Variants in POLRMT observed in about 807,000 individuals in gnomAD.
The protein encoded by POLRMT is RNA polymerase mitochondrial.
A neutral mutation model predicts 132.2 loss-of-function variants in POLRMT; 114 were observed. The observed-to-expected ratio is 0.86, with a 90% CI of 0.74 to 1.01. The LOEUF (loss-of-function observed/expected upper bound fraction) is 1.01. Ranked by LOEUF, POLRMT falls within the 50% of genes least tolerant of loss-of-function variation. The pLI, the probability that POLRMT is intolerant of heterozygous loss-of-function variation, is 0.00. For missense variants in POLRMT, 2,003 were observed against 1,729.1 expected (o/e 1.16, Z -2.81); for synonymous variants, 1,020 against 773.4 (o/e 1.32, Z -5.29).
rs1390010936 is a variant in POLRMT, at chr19:618,531, G to T, written c.3379C>A (p.Leu1127Met). ...NGFPPNFIHS[L>M]DSSHMMLTAL... ...GTGAGCATCATGTGGGAGGAGTCCA[G>T]CGAGTGGATGAAGTTGGGCGGGAAG... Residue 1127 changes from leucine to methionine, a missense_variant, in exon 17 of 21, where the codon CTG (leucine) becomes ATG (methionine). Transcript: ENST00000588649. The T allele has an allele frequency of 1.2e-6, 2 of 1,613,296 alleles. No homozygotes were observed. The highest frequency in any genetic ancestry group is 1.7e-5 in the Admixed American group (1 of 59,956).
chr19:626,785 A>G (rs1985047668), intron 3 of POLRMT, among the ~76,000 whole-genome samples: 2 of 151,210 alleles, frequency 1.3e-5, no homozygotes, highest in Non-Finnish European at 2.9e-5. Flanking sequence ...ACTTGAACGC[A>G]GAAAGCGGAA....
intron 18 of POLRMT, 47 bp from the exon 19 acceptor site, chr19:617,702 G>A (rs1276715346): frequency 6.2e-7 from 1 of 1,611,208 alleles, no homozygotes; most frequent in Non-Finnish European, 8.5e-7. Context: ...GCAGGCTCTG[G>A]GCACCACCCC....
rs753398978 is a variant in POLRMT at position 629,574 on chromosome 19, A to C, written c.788T>G (p.Met263Arg). 3.8e-6 allele frequency: 6 copies of C among 1,576,936 alleles called. No individual in the cohort carries two copies. The highest frequency in any genetic ancestry group is 5.2e-6 in the Non-Finnish European group (6 of 1,162,560). Residue 263 changes from methionine to arginine, a missense_variant, in exon 3 of 21, where the codon ATG (methionine) becomes AGG (arginine). Physicochemically the swap from Met to Arg is moderately conservative, Grantham distance 91. Coordinates refer to ENST00000588649, the MANE Select transcript of POLRMT (RefSeq NM_005035.4). Reference sequence around the variant, plus strand: ...CCAGCCAAGCATCACGGCGTTGTACATGTCCAGCGTGAGCAGCTTCCGCTT... The same window carrying C: ...CCAGCCAAGCATCACGGCGTTGTACCTGTCCAGCGTGAGCAGCTTCCGCTT... ...RQKRKLLTLD[M>R]YNAVMLGWAR...
chr19:626,884 T>TACAC (rs1290099212), intron 3 of POLRMT, among the ~76,000 whole-genome samples: 9 of 95,294 alleles, frequency 9.4e-5, no homozygotes, highest in East Asian at 6.2e-4. Context: ...TGTCTTAAAA[T>TACAC]ATACACACAC....
Position 618,398 on chromosome 19 carries a change from C to T in POLRMT, c.3422+90G>A, listed in dbSNP as rs58198820. ...ATCCACTCTGCCCAGTCCCTGCCCC[C>T]AGCTAGACCCAGCCTTGCCAGCTGT... On this transcript the variant is annotated intron_variant, in intron 17 of 20. Transcript: ENST00000588649. 6,732 of 1,026,002 alleles carry T rather than the reference C, an allele frequency of 6.6e-3. 300 individuals carry two copies. The African/African-American group carries it at 0.095, about 15-fold the overall frequency. The allele number at this position is 1,026,002 out of a possible 1,614,324, so 63.6% of individuals were successfully genotyped here.
chr19:623,043 C>G, intron 6 of POLRMT, 58 bp from the exon 7 acceptor site: 1 of 1,581,880 alleles, frequency 6.3e-7, no homozygotes, highest in African/African-American at 1.3e-5. Flanking sequence ...CCCAGGCTCA[C>G]AGGACGGGGG....
rs1269273356 is a variant in POLRMT, at chr19:625,183, G to A, written c.894C>T (p.Ser298=). The A allele has an allele frequency of 3.1e-6, 5 of 1,613,924 alleles. No homozygotes were observed. The highest frequency in any genetic ancestry group is 1.1e-5 in the South Asian group (1 of 91,082). ...KDAGLTPDLL[S]YAAALQCMGR... ...CCATGCACTGGAGGGCAGCCGCATA[G>A]GACAGCAGGTCCGGAGTCAAGCCGG... is the stretch of plus-strand genomic sequence containing the variant. Residue 298 remains serine, a synonymous_variant, in exon 4 of 21, where the codon TCC becomes TCT. Coordinates refer to ENST00000588649, the MANE Select transcript of POLRMT (RefSeq NM_005035.4).
intron 2 of POLRMT, among the ~76,000 whole-genome samples, chr19:632,389 GC>G (rs1340981879): frequency 6.6e-6 from 1 of 152,242 alleles, no homozygotes; most frequent in Non-Finnish European, 1.5e-5. Flanking sequence ...ACGAGGGCCT[GC>G]CACCGCTGGA....
chr19:619,021 G>A lies in POLRMT; in HGVS notation c.3243C>T (p.Pro1081=). The change falls in exon 15 of 21, where the codon CCC becomes CCT. Residue 1081 remains proline (P), a synonymous_variant. Coordinates refer to ENST00000588649, the MANE Select transcript of POLRMT (RefSeq NM_005035.4). ...VTPLGVPVIQ[P]YRLDSKVKQI... is the part of the protein sequence containing the mutation. ...CCTTGACCTTGGAGTCCAGGCGATA[G>A]GGCTGGATGACGGGGACGCCCAGGG... The A allele has an allele frequency of 6.3e-7, 1 of 1,593,936 alleles. No homozygotes were observed. The highest frequency in any genetic ancestry group is 8.5e-7 in the Non-Finnish European group (1 of 1,170,230).
Position 618,757 on chromosome 19 carries a change from T to G in POLRMT, c.3271A>C (p.Ile1091Leu). The G allele has an allele frequency of 6.2e-7, 1 of 1,600,768 alleles. No homozygotes were observed. Among genetic ancestry groups the G allele is most frequent in the Non-Finnish European group, 8.5e-7 (1 of 1,174,472 alleles). ...PYRLDSKVKQ[I>L]GGGIQSITYT... Reference sequence around the variant, plus strand: ...GTGATGCTCTGAATTCCACCTCCTATTTGCTAAAAAGGGGAAGGGGCCGGT... The same window carrying G: ...GTGATGCTCTGAATTCCACCTCCTAGTTGCTAAAAAGGGGAAGGGGCCGGT... Residue 1091 changes from isoleucine to leucine, a missense_variant, in exon 16 of 21, where the codon ATA (isoleucine) becomes CTA (leucine). By Grantham distance (5) the Ile-to-Leu change is conservative. Transcript: ENST00000588649.
At position 630,022 on chromosome 19, in the gene POLRMT, C is replaced by G; in HGVS notation, c.340G>C (p.Ala114Pro). Residue 114 changes from alanine to proline, a missense_variant, in exon 3 of 21, where the codon GCC becomes CCC. By Grantham distance (27) the Ala-to-Pro change is conservative (BLOSUM62 -1). Transcript: ENST00000588649. Reference sequence around the variant, plus strand: ...CAGCGGCCACAGGGCACCGGGGTGGCATCCTTGGCCCCCATCTGGACCTTC... The same window carrying G: ...CAGCGGCCACAGGGCACCGGGGTGGGATCCTTGGCCCCCATCTGGACCTTC... ...PRKVQMGAKD[A>P]TPVPCGRWAK... 6.2e-7 allele frequency: 1 copy of G among 1,613,836 alleles called. No individual in the cohort carries two copies. Among genetic ancestry groups the G allele is most frequent in the Non-Finnish European group, 8.5e-7 (1 of 1,180,028 alleles).
chr19:630,199 G>C, intron 2 of POLRMT, 31 bp from the exon 3 acceptor site: 3 of 1,545,024 alleles, frequency 1.9e-6, no homozygotes, highest in South Asian at 1.2e-5. Context: ...GGACATGAGA[G>C]GGACCCCCTC....
At chr19:621,875 G>A (rs961926012) in intron 9 of POLRMT, 29 bp from the exon 10 acceptor site, 2 of 1,598,472 alleles carry the variant, frequency 1.3e-6, no homozygotes, top group South Asian at 1.1e-5. Flanking sequence ...ACGGGTCAGG[G>A]CCCCGGTGCT....
chr19:624,950 T>C, intron 4 of POLRMT, 45 bp from the exon 5 acceptor site: 2 of 1,570,546 alleles, frequency 1.3e-6, no homozygotes, highest in Non-Finnish European at 1.7e-6. Context: ...AGCCCCACGC[T>C]GGGCTTCCAC....
intron 11 of POLRMT, 123 bp from the exon 12 acceptor site, chr19:620,203 C>T (rs1026781026): frequency 1.4e-5 from 21 of 1,467,390 alleles, no homozygotes; most frequent in East Asian, 2.5e-5. Context: ...TGCACCGGAG[C>T]CCCCGCACGC....
In POLRMT at chr19:622,203, G is replaced by C; in HGVS notation, c.1797C>G (p.Ser599=). 1 of 1,583,856 alleles carries C rather than the reference G, an allele frequency of 6.3e-7. No individual in the cohort carries two copies. The highest frequency in any genetic ancestry group is 8.6e-7 in the Non-Finnish European group (1 of 1,166,670). ...MPCSLDKPHR[S]SRLVPVLYHV... is the part of the protein sequence containing the mutation. ...GGTAGAGCACGGGGACAAGCCGAGA[G>C]GAACGATGCGGCTTGTCCAGGCTGC... Residue 599 remains serine, a synonymous_variant, in exon 9 of 21, where the codon TCC becomes TCG. Transcript: ENST00000588649.
chr19:623,436 C>T lies in POLRMT; in HGVS notation c.1290+18G>A, dbSNP rs750925778. On this transcript the variant is annotated intron_variant, in intron 6 of 20. Coordinates refer to ENST00000588649, the MANE Select transcript of POLRMT (RefSeq NM_005035.4). ...CTCAGCCCCTGCGGCGGACACGGGA[C>T]CCCGGCTCAGCCCCTACCGCGTGCT... 15 of 1,609,286 alleles carry T rather than the reference C, an allele frequency of 9.3e-6. No individual in the cohort carries two copies. The highest frequency in any genetic ancestry group is 1.3e-5 in the Non-Finnish European group (15 of 1,179,170).
At chr19:617,354 T>G in intron 20 of POLRMT, 31 bp from the exon 21 acceptor site, 1 of 1,612,466 alleles carries the variant, frequency 6.2e-7, no homozygotes. Flanking sequence ...ACGGCGTGGG[T>G]GGCGGGAAAG....
In POLRMT at chr19:619,582, G is replaced by C. The variant is rs373588878; in HGVS notation, c.3066+4C>G. The C allele has an allele frequency of 6.2e-6, 10 of 1,611,374 alleles. No individual in the cohort carries two copies. Among genetic ancestry groups the C allele is most frequent in the Non-Finnish European group, 8.5e-6 (10 of 1,179,596 alleles). On this transcript the variant is annotated splice_donor_region_variant and intron_variant, in intron 13 of 20. Coordinates refer to ENST00000588649, the MANE Select transcript of POLRMT (RefSeq NM_005035.4). Reference sequence around the variant, plus strand: ...GTGTTCGCAGCGCGACATGCCTGGCGCACCTGGGGAAAGTCGCTCAGCTCC... The same window carrying C: ...GTGTTCGCAGCGCGACATGCCTGGCCCACCTGGGGAAAGTCGCTCAGCTCC...
Sources: gnomAD v4.1 joint callset for allele counts (sites outside exome capture counted in the v4.1 genomes callset) on GRCh38, gnomAD v4.1.1 for gene constraint, MANE v1.5 for transcripts, NCBI Gene and HGNC (gene_info 2026-07-23, HGNC 2026-07-21) for gene names.